The following KCNIP4 variants were observed in gnomAD, a reference collection of about 807,000 sequenced individuals.
KCNIP4 encodes potassium voltage-gated channel interacting protein 4, also known as Kv channel-interacting protein 4.
Under a neutral mutation model 34.0 loss-of-function variants are expected in KCNIP4, and 12 were observed. That is an observed-to-expected ratio of 0.35 (90% CI 0.23 to 0.57). KCNIP4 has a LOEUF of 0.57. Ranked by LOEUF, KCNIP4 falls within the 20% of genes least tolerant of loss-of-function variation. The pLI is 0.83. For synonymous variants in KCNIP4, 124 were observed against 102.2 expected, an observed-to-expected ratio of 1.21 and a Z score of -1.29; for missense variants, 238 against 311.7, an observed-to-expected ratio of 0.76 and a Z score of 1.78.
At chr4:21,845,980 T>C (rs55777248) in intron 1 of KCNIP4, 57,390 of 151,800 alleles carry the variant, frequency 0.38, 12,465 homozygotes, top group Non-Finnish European at 0.51. Flanking sequence ...CTCTGTTTTT[T>C]TGTCTGTTTT....
chr4:20,913,666 C>T (rs761829244), intron 1 of KCNIP4, among the ~76,000 whole-genome samples: 2 of 152,120 alleles, frequency 1.3e-5, no homozygotes, highest in Non-Finnish European at 2.9e-5. Context: ...TAGTTCTAGG[C>T]GATTTAGTGT....
intron 1 of KCNIP4, among the ~76,000 whole-genome samples, chr4:21,600,907 C>A (rs1361256749): frequency 6.6e-6 from 1 of 151,960 alleles, no homozygotes; most frequent in East Asian, 1.9e-4. Context: ...TCTCCTCTTG[C>A]AAATCCCACA....
intron 4 of KCNIP4, chr4:20,752,670 G>A (rs1753858514): frequency 1.3e-5 from 2 of 152,202 alleles, no homozygotes; most frequent in South Asian, 4.1e-4. Flanking sequence ...TTCTGATGGA[G>A]TTTGGATTTC....
chr4:20,870,228 T>C (rs1279660024), intron 2 of KCNIP4, among the ~76,000 whole-genome samples: 1 of 152,002 alleles, frequency 6.6e-6, no homozygotes, highest in Non-Finnish European at 1.5e-5. Flanking sequence ...GACTGGATCA[T>C]GGGGGTGGAT....
In KCNIP4 at chr4:21,269,148, G is replaced by A. The variant is rs180695419; in HGVS notation, c.62-386439C>T. On this transcript the variant is annotated intron_variant, in intron 1 of 8. Coordinates refer to ENST00000382152, the MANE Select transcript of KCNIP4 (RefSeq NM_025221.6). ...TTGGCTATAGTGAGAAAGAAGGACTGGAAAGCTACTAAAAAGGTGAGAAAA... is the reference window on the plus strand; with the variant it reads ...TTGGCTATAGTGAGAAAGAAGGACTAGAAAGCTACTAAAAAGGTGAGAAAA... Among the ~76,000 whole-genome samples, 284 of 152,282 alleles carry A rather than the reference G, an allele frequency of 1.9e-3. 2 individuals carry two copies. The highest frequency in any genetic ancestry group is 6.4e-3 in the African/African-American group (265 of 41,566).
In KCNIP4 at chr4:21,217,998, T is replaced by TTTTA. The variant is rs1553835620; in HGVS notation, c.62-335290_62-335289insTAAA. On this transcript the variant is annotated intron_variant, in intron 1 of 8. Coordinates refer to ENST00000382152, the MANE Select transcript of KCNIP4 (RefSeq NM_025221.6). ...CATCCCCCTGTATAGTTTTTTTTTTTAAATTTATTTATTTATTTATTATTA... is the reference window on the plus strand; with the variant it reads ...CATCCCCCTGTATAGTTTTTTTTTTTTTTAAAATTTATTTATTTATTTATTATTA... 6.0e-5 allele frequency among the ~76,000 whole-genome samples: 9 copies of TTTTA among 149,490 alleles called. 1 individual carries two copies. Among genetic ancestry groups the TTTTA allele is most frequent in the Middle Eastern group, 6.9e-3 (2 of 290 alleles).
At chr4:21,353,916 CA>C (rs1718290938) in intron 1 of KCNIP4, among the ~76,000 whole-genome samples, 1 of 152,156 alleles carries the variant, frequency 6.6e-6, no homozygotes, top group African/African-American at 2.4e-5. Flanking sequence ...GGGTTACCCA[CA>C]AAGGGAAGCC....
At chr4:21,813,964 T>C (rs1721815233) in intron 1 of KCNIP4, among the ~76,000 whole-genome samples, 1 of 152,134 alleles carries the variant, frequency 6.6e-6, no homozygotes, top group Non-Finnish European at 1.5e-5. Context: ...CCTGTCAAAA[T>C]GCATTGAGTG....
At chr4:21,291,870 AGAAAGAAAGAAAGAAAG>A (rs1445248935) in intron 1 of KCNIP4, among the ~76,000 whole-genome samples, 194 of 13,268 alleles carry the variant, frequency 0.015, 20 homozygotes, top group African/African-American at 0.048. Context: ...AAAAAAAAAA[AGAAAGAAAGAAAGAAAG>A]AAAGAAAGAA....
intron 1 of KCNIP4, among the ~76,000 whole-genome samples, chr4:21,598,629 A>G (rs1742845098): frequency 6.6e-6 from 1 of 152,092 alleles, no homozygotes; most frequent in African/African-American, 2.4e-5. Flanking sequence ...CTAATTCTAA[A>G]GACACTATTT....
intron 3 of KCNIP4, among the ~76,000 whole-genome samples, chr4:20,799,247 C>T (rs1057022308): frequency 1.3e-5 from 2 of 152,306 alleles, no homozygotes; most frequent in Non-Finnish European, 2.9e-5. Context: ...ATATTCTGCA[C>T]ACCAGAGCTA....
rs1369617400 is a variant in KCNIP4 at position 21,911,657 on chromosome 4, GA to G, written c.61+36913del. Among the ~76,000 whole-genome samples the G allele has an allele frequency of 9.2e-4, 126 of 137,136 alleles. 1 individual carries two copies. Among genetic ancestry groups the G allele is most frequent in the Non-Finnish European group, 1.6e-3 (101 of 64,090 alleles). 90.0% of individuals were successfully genotyped at this position (137,136 alleles called of 152,430 possible). ...ACACACACACACACACACACACACAGAGTCTGGTATTGGTGATGTACCTGCT... is the reference window on the plus strand; with the variant it reads ...ACACACACACACACACACACACACAGGTCTGGTATTGGTGATGTACCTGCT... On this transcript the variant is annotated intron_variant, in intron 1 of 8. Coordinates refer to ENST00000382152, the MANE Select transcript of KCNIP4 (RefSeq NM_025221.6).
intron 1 of KCNIP4, among the ~76,000 whole-genome samples, chr4:21,194,177 T>G (rs1160504464): frequency 6.6e-6 from 1 of 152,174 alleles, no homozygotes; most frequent in Non-Finnish European, 1.5e-5. Context: ...TTTCCCATAA[T>G]TCTGTTTACT....
chr4:21,320,553 T>C (rs1188354808), intron 1 of KCNIP4, among the ~76,000 whole-genome samples: 1 of 152,200 alleles, frequency 6.6e-6, no homozygotes, highest in African/African-American at 2.4e-5. Flanking sequence ...CTACCTACTA[T>C]ATTGTTTTAG....
At chr4:21,249,110 T>A (rs569863302) in intron 1 of KCNIP4, among the ~76,000 whole-genome samples, 1 of 152,136 alleles carries the variant, frequency 6.6e-6, no homozygotes, top group Non-Finnish European at 1.5e-5. Flanking sequence ...TTTCCTGGTA[T>A]CTTGTAAAGG....
At chr4:21,814,291 C>A (rs1339606877) in intron 1 of KCNIP4, among the ~76,000 whole-genome samples, 1 of 151,966 alleles carries the variant, frequency 6.6e-6, no homozygotes, top group Non-Finnish European at 1.5e-5. Context: ...TGGCTGTGTC[C>A]CCACCCAAAT....
At chr4:20,798,931 T>G (rs1434257453) in intron 3 of KCNIP4, among the ~76,000 whole-genome samples, 1 of 152,156 alleles carries the variant, frequency 6.6e-6, no homozygotes, top group Non-Finnish European at 1.5e-5. Flanking sequence ...TTCTCCCCAC[T>G]GCCCCCTGTC....
chr4:21,243,335 C>A (rs541772092), intron 1 of KCNIP4, among the ~76,000 whole-genome samples: 2 of 152,060 alleles, frequency 1.3e-5, no homozygotes, highest in Non-Finnish European at 2.9e-5. Flanking sequence ...ACAGGTAGAT[C>A]GAGTTCTTTT....
chr4:21,376,325 A>C (rs1483670693), intron 1 of KCNIP4, among the ~76,000 whole-genome samples: 4 of 152,330 alleles, frequency 2.6e-5, no homozygotes, highest in Middle Eastern at 3.4e-3. Flanking sequence ...TAAAACTAAG[A>C]ATCTTAGGAT....
Sources: allele counts gnomAD v4.1 joint callset (sites outside exome capture counted in the v4.1 genomes callset), GRCh38; gene constraint gnomAD v4.1.1; transcripts MANE v1.5; gene names NCBI Gene and HGNC (gene_info 2026-07-23, HGNC 2026-07-21).